Variants in DUS2 observed in about 807,000 individuals in gnomAD.
The protein encoded by DUS2 is tRNA-dihydrouridine(20) synthase [NAD(P)+]-like.
In DUS2, 52 loss-of-function variants were observed where a neutral mutation model predicts 71.3. That is an observed-to-expected ratio of 0.73 (90% confidence interval 0.58 to 0.92). The LOEUF (loss-of-function observed/expected upper bound fraction) is 0.92. DUS2 is among the 40% of genes least tolerant of loss of function. The probability of loss-of-function intolerance (pLI) is 0.00; values close to 1 mark genes in which losing one functional copy is unlikely to be tolerated. For synonymous variants in DUS2, 204 were observed against 227.8 expected, an observed-to-expected ratio of 0.90 and a Z score of 0.94; for missense variants, 558 against 622.6, an observed-to-expected ratio of 0.90 and a Z score of 1.10.
intron 15 of DUS2, chr16:68,078,201 T>C: frequency 1.8e-6 from 1 of 545,654 alleles, no homozygotes; most frequent in Non-Finnish European, 3.3e-6. Context: ...TCCATAGTCA[T>C]GTGCAGCTAA....
intron 4 of DUS2, 140 bp from the exon 5 acceptor site, chr16:68,053,424 A>G (rs1156326351): frequency 1.4e-6 from 1 of 726,964 alleles, no homozygotes; most frequent in Non-Finnish European, 2.3e-6. Flanking sequence ...GTGCATAGTT[A>G]TTTTTGGTAA....
At chr16:68,033,632 T>A (rs1430987566) in intron 2 of DUS2, among the ~76,000 whole-genome samples, 1 of 147,002 alleles carries the variant, frequency 6.8e-6, no homozygotes, top group African/African-American at 2.5e-5. Flanking sequence ...CTACAGGTGC[T>A]AATTTTTTTT....
chr16:68,055,770 G>A (rs936026899), intron 6 of DUS2, among the ~76,000 whole-genome samples: 2 of 150,514 alleles, frequency 1.3e-5, no homozygotes, highest in Non-Finnish European at 3.0e-5. Context: ...TGCTGATCAC[G>A]GACTATTAAC....
intron 7 of DUS2, 61 bp from the exon 8 acceptor site, chr16:68,061,005 C>A (rs1490047458): frequency 2.6e-6 from 4 of 1,552,360 alleles, no homozygotes; most frequent in Non-Finnish European, 3.6e-6. Flanking sequence ...AGACCCCATC[C>A]CATGGAGAGG....
At chr16:68,053,513 T>C (rs1598309251) in intron 4 of DUS2, 51 bp from the exon 5 acceptor site, 2 of 1,579,168 alleles carry the variant, frequency 1.3e-6, no homozygotes, top group Non-Finnish European at 8.7e-7. Context: ...TAGGCTAGCG[T>C]TGAACTTGCA....
At chr16:68,035,040 C>A (rs1376595869) in intron 2 of DUS2, among the ~76,000 whole-genome samples, 1 of 150,052 alleles carries the variant, frequency 6.7e-6, no homozygotes, top group African/African-American at 2.5e-5. Context: ...CAGTAGTTTT[C>A]TTTGGGACGT....
chr16:68,073,238 A>G (rs2034111516), intron 12 of DUS2, among the ~76,000 whole-genome samples: 1 of 152,294 alleles, frequency 6.6e-6, no homozygotes, highest in East Asian at 1.9e-4. Flanking sequence ...GGAAGAGTAG[A>G]TGACCAAGGT....
At position 68,049,515 on chromosome 16, in the gene DUS2, A is replaced by G; in HGVS notation, c.137A>G (p.Asp46Gly). 1 of 1,614,164 alleles carries G rather than the reference A, an allele frequency of 6.2e-7. No homozygotes were observed. Among genetic ancestry groups the G allele is most frequent in the South Asian group, 1.1e-5 (1 of 91,082 alleles). ...ADIVYCEELIDLKMIQCKRVV... is the reference protein window; with the variant it reads ...ADIVYCEELIGLKMIQCKRVV... Reference sequence around the variant, plus strand: ...CTGATTCCTCTGCAGGAGCTGATCGACCTCAAGATGATTCAGTGCAAGAGA... The same window carrying G: ...CTGATTCCTCTGCAGGAGCTGATCGGCCTCAAGATGATTCAGTGCAAGAGA... Residue 46 changes from aspartate to glycine, a missense_variant, in exon 4 of 17, where the codon GAC becomes GGC. Coordinates refer to ENST00000565263, the MANE Select transcript of DUS2 (RefSeq NM_017803.5).
At position 68,074,056 on chromosome 16, in the gene DUS2, A is replaced by G; in HGVS notation, c.833A>G (p.Tyr278Cys). The G allele has an allele frequency of 6.2e-7, 1 of 1,614,160 alleles. No individual in the cohort carries two copies. Among genetic ancestry groups the G allele is most frequent in the South Asian group, 1.1e-5 (1 of 91,078 alleles). The change falls in exon 13 of 17, where the codon TAC becomes TGC. Residue 278 changes from tyrosine (Y) to cysteine (C), a missense_variant. Coordinates refer to ENST00000565263, the MANE Select transcript of DUS2 (RefSeq NM_017803.5). ...CAGGCGGTGCAGTATGACAACCACT[A>G]CACCAACACCAAGTACTGCTTGTGC... ...IRYAVQYDNHYTNTKYCLCQM... is the reference protein window; with the variant it reads ...IRYAVQYDNHCTNTKYCLCQM...
intron 3 of DUS2, among the ~76,000 whole-genome samples, chr16:68,045,088 C>G (rs185825642): frequency 6.6e-6 from 1 of 152,118 alleles, no homozygotes; most frequent in African/African-American, 2.4e-5. Context: ...CCACTGTGCC[C>G]GGCCGTGTTA....
intron 6 of DUS2, 128 bp from the exon 7 acceptor site, chr16:68,056,236 G>T: frequency 2.9e-6 from 2 of 689,434 alleles, no homozygotes; most frequent in South Asian, 4.0e-5. Context: ...GTCATTGGGG[G>T]TTGGTGTGTT....
chr16:68,023,344 G>T lies in DUS2; in HGVS notation c.-106G>T. The T allele has an allele frequency of 9.6e-7, 1 of 1,042,488 alleles. No individual in the cohort carries two copies. The highest frequency in any genetic ancestry group is 1.4e-6 in the Non-Finnish European group (1 of 729,680). The allele number at this position is 1,042,488 out of a possible 1,614,324, so 64.6% of individuals were successfully genotyped here. A position where few individuals can be genotyped will look rare whatever the true frequency, so the allele number is the denominator to read the frequency against. On this transcript the variant is annotated 5_prime_UTR_variant, in exon 1 of 17. Coordinates refer to ENST00000565263, the MANE Select transcript of DUS2 (RefSeq NM_017803.5). ...AAGCGAGGTTCTTTTTAAGAGTTCAGCTGCGAGGTCTGTAGCTCCGAATAG... is the reference window on the plus strand; with the variant it reads ...AAGCGAGGTTCTTTTTAAGAGTTCATCTGCGAGGTCTGTAGCTCCGAATAG...
At position 68,078,568 on chromosome 16, in the gene DUS2, G is replaced by A. The variant is rs545382731; in HGVS notation, c.1244+50G>A. The A allele has an allele frequency of 1.9e-6, 3 of 1,587,536 alleles. No individual in the cohort carries two copies. In the South Asian group the frequency reaches 3.3e-5, roughly 18 times the overall value. ...GAGGCTTGGGGTGGGGCGGAGAGTGGGCATTCTGCCCACACATCCAGCATT... is the reference window on the plus strand; with the variant it reads ...GAGGCTTGGGGTGGGGCGGAGAGTGAGCATTCTGCCCACACATCCAGCATT... On this transcript the variant is annotated intron_variant, in intron 16 of 16. Coordinates refer to ENST00000565263, the MANE Select transcript of DUS2 (RefSeq NM_017803.5).
chr16:68,029,190 G>T (rs1160581052), intron 2 of DUS2, among the ~76,000 whole-genome samples: 1 of 150,772 alleles, frequency 6.6e-6, no homozygotes, highest in African/African-American at 2.4e-5. Context: ...GGGCAACACA[G>T]CAAGGTCCCA....
chr16:68,078,822 C>T lies in DUS2; in HGVS notation c.1318C>T (p.Arg440Trp), dbSNP rs116991581. 3.5e-3 allele frequency: 5,665 copies of T among 1,613,336 alleles called. 197 individuals carry two copies. In the Admixed American group the frequency reaches 0.067, roughly 19 times the overall value. The change falls in exon 17 of 17, where the codon CGG (arginine) becomes TGG (tryptophan). Residue 440 changes from arginine (R) to tryptophan (W), a missense_variant. Transcript: ENST00000565263. The part of the protein sequence containing the change: ...CLRSQGLPEG[R>W]LGEESPSLHK... ...GCGGAGCCAGGGCCTCCCTGAGGGTCGGCTGGGTGAGGAGAGCCCTTCCTT... is the reference window on the plus strand; with the variant it reads ...GCGGAGCCAGGGCCTCCCTGAGGGTTGGCTGGGTGAGGAGAGCCCTTCCTT...
At chr16:68,074,239 G>C in intron 13 of DUS2, 84 bp downstream of exon 13, 3 of 1,540,016 alleles carry the variant, frequency 1.9e-6, no homozygotes, top group Non-Finnish European at 2.7e-6. Flanking sequence ...TCCACCAGGG[G>C]ACCAGGGACA....
chr16:68,025,107 G>A (rs1281303053), intron 1 of DUS2, among the ~76,000 whole-genome samples: 10 of 152,130 alleles, frequency 6.6e-5, no homozygotes, highest in Non-Finnish European at 1.5e-4. Context: ...TGAGATTACA[G>A]GTGTGAGCCG....
chr16:68,066,963 T>C (rs1164597164), intron 10 of DUS2, among the ~76,000 whole-genome samples: 1 of 151,718 alleles, frequency 6.6e-6, no homozygotes, highest in Non-Finnish European at 1.5e-5. Flanking sequence ...AATCATACCA[T>C]GCAGCCAGTA....
Position 68,047,545 on chromosome 16 carries a change from G to A in DUS2, c.127-1960G>A, listed in dbSNP as rs145500815. 8.2e-3 allele frequency among the ~76,000 whole-genome samples: 1,238 copies of A among 150,976 alleles called. 7 individuals carry two copies. Among genetic ancestry groups the A allele is most frequent in the Non-Finnish European group, 0.012 (820 of 67,728 alleles). ...TGCCCAGGCTCTGGAGTGCAATGGC[G>A]CAATCTCGGCTCACTGCAACCTCCG... On this transcript the variant is annotated intron_variant, in intron 3 of 16. Coordinates refer to ENST00000565263, the MANE Select transcript of DUS2 (RefSeq NM_017803.5).
Sources: allele counts gnomAD v4.1 joint callset (sites outside exome capture counted in the v4.1 genomes callset), GRCh38; gene constraint gnomAD v4.1.1; transcripts MANE v1.5; gene names NCBI Gene and HGNC (gene_info 2026-07-23, HGNC 2026-07-21).